The following DDX5 variants were observed in gnomAD, a reference collection of about 807,000 sequenced individuals.
DDX5 encodes the protein probable ATP-dependent RNA helicase DDX5.
DDX5 carries 6 observed loss-of-function variants against 68.6 expected under a neutral mutation model. That is an observed-to-expected ratio of 0.09 (90% confidence interval 0.05 to 0.17). DDX5 has a LOEUF of 0.17. DDX5 is among the 10% of genes least tolerant of loss of function. The pLI is 1.00. For synonymous variants in DDX5, 350 were observed against 247.0 expected, an observed-to-expected ratio of 1.42 and a Z score of -3.91; for missense variants, 499 against 756.1, an observed-to-expected ratio of 0.66 and a Z score of 3.99.
rs782410376 is a variant in DDX5, at chr17:64,499,894, AAC to A, written c.*27_*28del. ...CACAATATAAAGAGCAATTATGAAA[AAC>A]AGACATTTACATATACTTCTAAAGT... On this transcript the variant is annotated 3_prime_UTR_variant, in exon 13 of 13. Transcript: ENST00000225792. 1.1e-4 allele frequency: 170 copies of A among 1,525,400 alleles called. No individual in the cohort carries two copies. The highest frequency in any genetic ancestry group is 3.4e-4 in the Admixed American group (16 of 47,752). The allele number at this position is 1,525,400 out of a possible 1,614,324, so 94.5% of individuals were successfully genotyped here.
At chr17:64,503,159 T>G in intron 7 of DDX5, 29 bp downstream of exon 7, 1 of 1,613,180 alleles carries the variant, frequency 6.2e-7, no homozygotes, top group South Asian at 1.1e-5. Flanking sequence ...CACAATTCAG[T>G]TTGATCACAT....
intron 1 of DDX5, chr17:64,505,053 A>G (rs1555671941): frequency 2.2e-6 from 1 of 449,532 alleles, no homozygotes; most frequent in African/African-American, 2.0e-5. Context: ...AGGTCATGTA[A>G]ACAGCCTGGG....
At chr17:64,505,600 C>T in intron 1 of DDX5, 3 of 866,376 alleles carry the variant, frequency 3.5e-6, no homozygotes, top group Non-Finnish European at 5.5e-6. Flanking sequence ...CCGCCATGTC[C>T]GAGGCCGGCA....
chr17:64,506,425 G>T, upstream of DDX5: 1 of 1,373,222 alleles, frequency 7.3e-7, no homozygotes. Context: ...TTCCAGGATC[G>T]CCGCGCTTTC....
intron 9 of DDX5, 25 bp downstream of exon 9, chr17:64,502,414 C>T (rs1422109282): frequency 6.4e-7 from 1 of 1,562,270 alleles, no homozygotes; most frequent in East Asian, 2.2e-5. Context: ...AATCAATCTG[C>T]TTCAATGGAG....
chr17:64,502,221 C>T lies in DDX5; in HGVS notation c.1097G>A (p.Trp366Ter). The part of the protein sequence containing the change: ...ELTRKMRRDG[W>*]PAMGIHGDKS... Reference sequence around the variant, plus strand: ...GTCACCATGGATACCCATGGCAGGCCACCTAAGTTAAAAGACAAGTTGTGT... The same window carrying T: ...GTCACCATGGATACCCATGGCAGGCTACCTAAGTTAAAAGACAAGTTGTGT... Residue 366 changes from tryptophan to a stop codon, truncating the protein, a stop_gained and splice_region_variant, in exon 10 of 13, where the codon TGG becomes TAG. Transcript: ENST00000225792. LOFTEE classifies it high-confidence loss of function. 1 of 1,613,948 alleles carries T rather than the reference C, an allele frequency of 6.2e-7. No individual in the cohort carries two copies. Among genetic ancestry groups the T allele is most frequent in the Non-Finnish European group, 8.5e-7 (1 of 1,179,980 alleles).
chr17:64,505,579 CA>C (rs1249515941), intron 1 of DDX5: 6 of 741,108 alleles, frequency 8.1e-6, no homozygotes, highest in Non-Finnish European at 1.4e-5. Context: ...GGCGGGGTAA[CA>C]AAGGCGCCGC....
intron 2 of DDX5, 72 bp from the exon 3 acceptor site, chr17:64,504,390 C>T: frequency 7.6e-7 from 1 of 1,310,988 alleles, no homozygotes; most frequent in Non-Finnish European, 1.1e-6. Flanking sequence ...TTGATAAGCC[C>T]CTAACTTCAT....
At chr17:64,506,596 T>G, upstream of DDX5, 1 of 374,416 alleles carries the variant, frequency 2.7e-6, no homozygotes, top group South Asian at 2.9e-5. Context: ...CACTCGGAGA[T>G]GTTTACGTCT....
intron 12 of DDX5, 34 bp downstream of exon 12, chr17:64,500,515 G>T (rs552460503): frequency 1.9e-6 from 3 of 1,587,346 alleles, no homozygotes; most frequent in African/African-American, 1.3e-5. Flanking sequence ...GATGTGACTC[G>T]TAACTACCAA....
In DDX5 at chr17:64,499,865, AAC is replaced by A. The variant is rs1267496126; in HGVS notation, c.*56_*57del. ...TTCTTAAATAACTATCTTGTCAGATAACACACAATATAAAGAGCAATTATGAA... is the reference window on the plus strand; with the variant it reads ...TTCTTAAATAACTATCTTGTCAGATAACACAATATAAAGAGCAATTATGAA... On this transcript the variant is annotated 3_prime_UTR_variant, in exon 13 of 13. Coordinates refer to ENST00000225792, the MANE Select transcript of DDX5 (RefSeq NM_004396.5). 9.7e-6 allele frequency: 14 copies of A among 1,446,504 alleles called. No homozygotes were observed. Among genetic ancestry groups the A allele is most frequent in the South Asian group, 4.2e-5 (3 of 70,694 alleles). 89.6% of individuals were successfully genotyped at this position (1,446,504 alleles called of 1,614,324 possible). A position where few individuals can be genotyped will look rare whatever the true frequency, so the allele number is the denominator to read the frequency against.
rs972508869 is a variant in DDX5 at position 64,500,339 on chromosome 17, C to T, written c.1442-13G>A. 4.4e-6 allele frequency: 7 copies of T among 1,592,770 alleles called. No homozygotes were observed. Among genetic ancestry groups the T allele is most frequent in the Non-Finnish European group, 6.0e-6 (7 of 1,168,888 alleles). ...CCCCTGGAACGACCTGTCAAGAAAA[C>T]AATTGCAAATTGATCAATTATGTCT... is the stretch of plus-strand genomic sequence containing the variant. On this transcript the variant is annotated splice_polypyrimidine_tract_variant and intron_variant, in intron 12 of 12. Coordinates refer to ENST00000225792, the MANE Select transcript of DDX5 (RefSeq NM_004396.5).
chr17:64,505,810 C>G (rs2075551), intron 1 of DDX5: 163,588 of 1,535,984 alleles, frequency 0.11, 22,409 homozygotes, highest in African/African-American at 0.67. Context: ...CGCTCCCTCT[C>G]AACTCCCTCA....
In DDX5 at chr17:64,499,500, A is replaced by G. The variant is rs150253721; in HGVS notation, c.*423T>C. 1.8e-5 allele frequency: 4 copies of G among 223,166 alleles called. No individual in the cohort carries two copies. The East Asian group carries it at 2.6e-4, about 15-fold the overall frequency. 13.8% of individuals were successfully genotyped at this position (223,166 alleles called of 1,614,324 possible). A position where few individuals can be genotyped will look rare whatever the true frequency, so the allele number is the denominator to read the frequency against. ...CCCCCTGCCTCCCAAATTAAATAAA[A>G]AGGAACAGTCATTTGTTTTCATGGA... is the stretch of plus-strand genomic sequence containing the variant. On this transcript the variant is annotated 3_prime_UTR_variant, in exon 13 of 13. Transcript: ENST00000225792.
rs1390205121 is a variant in DDX5 at position 64,499,301 on chromosome 17, T to A, written c.*622A>T. On this transcript the variant is annotated 3_prime_UTR_variant, in exon 13 of 13. Transcript: ENST00000225792. Reference sequence around the variant, plus strand: ...GATGACTTTGTATCTATTTTACTATTTTCTCATTTAACCATACTAGCAAAT... The same window carrying A: ...GATGACTTTGTATCTATTTTACTATATTCTCATTTAACCATACTAGCAAAT... Among the ~76,000 whole-genome samples the A allele has an allele frequency of 6.6e-6, 1 of 152,156 alleles. No individual in the cohort carries two copies. The highest frequency in any genetic ancestry group is 6.5e-5 in the Admixed American group (1 of 15,280).
chr17:64,503,494 G>T lies in DDX5; in HGVS notation c.585C>A (p.Arg195=), dbSNP rs138407943. Reference sequence around the variant, plus strand: ...CACCGTAGATACAAGTAGACTTCAAGCGACATGCTCTACAATATTCAGCAG... The same window carrying T: ...CACCGTAGATACAAGTAGACTTCAATCGACATGCTCTACAATATTCAGCAG... The part of the protein sequence containing the change: ...QVAAEYCRAC[R]LKSTCIYGGA... The change falls in exon 6 of 13, where the codon CGC becomes CGA. Residue 195 remains arginine, a synonymous_variant. Transcript: ENST00000225792. 1.1e-4 allele frequency: 185 copies of T among 1,614,114 alleles called. No homozygotes were observed. The highest frequency in any genetic ancestry group is 1.6e-4 in the Middle Eastern group (1 of 6,084).
rs373195915 is a variant in DDX5, at chr17:64,504,664, T to C, written c.210+13A>G. On this transcript the variant is annotated intron_variant, in intron 2 of 12. Coordinates refer to ENST00000225792, the MANE Select transcript of DDX5 (RefSeq NM_004396.5). ...CGAGTTACAGCCTGATGAAGCCACA[T>C]GAATTTACTCACTGCTGTGCGCCTA... 1.7e-5 allele frequency: 27 copies of C among 1,596,082 alleles called. No homozygotes were observed. The Admixed American group carries it at 1.8e-4, about 11-fold the overall frequency.
chr17:64,501,716 C>T, intron 11 of DDX5: 1 of 443,772 alleles, frequency 2.3e-6, no homozygotes. Context: ...CATTTTTTCC[C>T]TCGGAGAGAA....
rs200802936 is a variant in DDX5, at chr17:64,501,993, T to C, written c.1216+17A>G. ...ATCTTCTGGGAAACCAAGCCATGAA[T>C]GCGAGTTTGTACTAACCTAGCCCTC... is the stretch of plus-strand genomic sequence containing the variant. On this transcript the variant is annotated intron_variant, in intron 11 of 12. Coordinates refer to ENST00000225792, the MANE Select transcript of DDX5 (RefSeq NM_004396.5). 1.2e-6 allele frequency: 2 copies of C among 1,612,420 alleles called. No individual in the cohort carries two copies. The highest frequency in any genetic ancestry group is 1.7e-6 in the Non-Finnish European group (2 of 1,179,072).
Sources: allele counts gnomAD v4.1 joint callset (sites outside exome capture counted in the v4.1 genomes callset), GRCh38; gene constraint gnomAD v4.1.1; transcripts MANE v1.5; gene names NCBI Gene and HGNC (gene_info 2026-07-23, HGNC 2026-07-21).